PRICKLE1: variants seen among roughly 807,000 people sequenced by gnomAD.
PRICKLE1 encodes the protein prickle planar cell polarity protein 1, also known as prickle-like protein 1.
Under a neutral mutation model 70.2 loss-of-function variants are expected in PRICKLE1, and 14 were observed. The ratio of observed to expected loss-of-function variants is 0.20; its 90% CI spans 0.13 to 0.31. PRICKLE1 has a LOEUF of 0.31. PRICKLE1 is among the 10% of genes least tolerant of loss of function. PRICKLE1 has a pLI of 1.00. For synonymous variants in PRICKLE1, 357 were observed against 379.9 expected (o/e 0.94, Z 0.70); for missense variants, 821 against 1,026.2 (o/e 0.80, Z 2.73).
chr12:42,554,130 A>C (rs907489718), intron 1 of PRICKLE1, among the ~76,000 whole-genome samples: 2 of 152,112 alleles, frequency 1.3e-5, no homozygotes, highest in Admixed American at 6.6e-5. Context: ...AAACAAACCA[A>C]CAACAACAAA....
Position 42,589,694 on chromosome 12 carries a change from G to C in PRICKLE1, c.-278C>G, listed in dbSNP as rs1269714841. 1.3e-5 allele frequency: 2 copies of C among 151,306 alleles called. No individual in the cohort carries two copies. The highest frequency in any genetic ancestry group is 4.8e-5 in the African/African-American group (2 of 41,308). 9.4% of individuals were successfully genotyped at this position (151,306 alleles called of 1,614,324 possible). A position where few individuals can be genotyped will look rare whatever the true frequency, so the allele number is the denominator to read the frequency against. Reference sequence around the variant, plus strand: ...CTGGCATGTTCCGGGCGCGCTGTCGGGCGGCGGCGGCCGCGGGAGACGGCG... The same window carrying C: ...CTGGCATGTTCCGGGCGCGCTGTCGCGCGGCGGCGGCCGCGGGAGACGGCG... On this transcript the variant is annotated 5_prime_UTR_variant, in exon 1 of 8. Coordinates refer to ENST00000345127, the MANE Select transcript of PRICKLE1 (RefSeq NM_153026.3). The surrounding 1 kb of genome is among the most constrained non-coding windows in gnomAD (Gnocchi z 5.0).
At chr12:42,465,781 G>A (rs758063056) in intron 6 of PRICKLE1, 8 of 310,852 alleles carry the variant, frequency 2.6e-5, no homozygotes, top group Admixed American at 4.7e-5. Flanking sequence ...TCTTGAGTAC[G>A]GTACCACTGG....
At chr12:42,542,378 C>T (rs574143065) in intron 1 of PRICKLE1, among the ~76,000 whole-genome samples, 5 of 152,044 alleles carry the variant, frequency 3.3e-5, no homozygotes, top group South Asian at 2.1e-4. Context: ...CGGCCAGGCA[C>T]GGTGACTCAT....
intron 1 of PRICKLE1, among the ~76,000 whole-genome samples, chr12:42,557,067 A>G (rs773967234): frequency 2.7e-4 from 41 of 151,716 alleles, no homozygotes; most frequent in Admixed American, 1.6e-3. Context: ...TGATCCTCCT[A>G]CCGCAGCCTC....
At chr12:42,492,464 G>A (rs184091123) in intron 1 of PRICKLE1, among the ~76,000 whole-genome samples, 72 of 152,342 alleles carry the variant, frequency 4.7e-4, no homozygotes, top group Non-Finnish European at 1.6e-4. Flanking sequence ...TGTTCTTAGA[G>A]AGGTGTCAGT....
chr12:42,544,337 T>C (rs1262491698), intron 1 of PRICKLE1, among the ~76,000 whole-genome samples: 1 of 152,246 alleles, frequency 6.6e-6, no homozygotes, highest in Non-Finnish European at 1.5e-5. Context: ...TGTAATTTTT[T>C]TTGTAGTCTG....
In PRICKLE1 at chr12:42,459,286, GATACA is replaced by G. The variant is rs1937700783; in HGVS notation, c.*518_*522del. The G allele has an allele frequency of 4.3e-6, 3 of 701,098 alleles. No homozygotes were observed. The highest frequency in any genetic ancestry group is 4.0e-5 in the Admixed American group (2 of 49,806). 43.4% of individuals were successfully genotyped at this position (701,098 alleles called of 1,614,324 possible). A position where few individuals can be genotyped will look rare whatever the true frequency, so the allele number is the denominator to read the frequency against. ...TTTTTTTCAATCTGTAGCTGGCGCT[GATACA>G]ATACAATGTTTACCTGGCCAAAGAG... is the stretch of plus-strand genomic sequence containing the variant. On this transcript the variant is annotated 3_prime_UTR_variant, in exon 8 of 8. Transcript: ENST00000345127.
intron 1 of PRICKLE1, among the ~76,000 whole-genome samples, chr12:42,562,891 T>G (rs1940541317): frequency 6.6e-6 from 1 of 152,134 alleles, no homozygotes; most frequent in Admixed American, 6.5e-5. Context: ...ATTTAAAAAT[T>G]TAAATTGTGA....
chr12:42,564,532 C>T (rs148155399), intron 1 of PRICKLE1, among the ~76,000 whole-genome samples: 20 of 152,128 alleles, frequency 1.3e-4, no homozygotes, highest in African/African-American at 4.1e-4. Flanking sequence ...CGCTTGAACC[C>T]GGAAGGCAGA....
At chr12:42,526,299 C>G (rs1939797503) in intron 1 of PRICKLE1, among the ~76,000 whole-genome samples, 1 of 151,508 alleles carries the variant, frequency 6.6e-6, no homozygotes, top group South Asian at 2.1e-4. Context: ...GGGAGAGGGA[C>G]AACTGTATGC....
chr12:42,521,168 C>A (rs1939703206), intron 1 of PRICKLE1, among the ~76,000 whole-genome samples: 1 of 151,580 alleles, frequency 6.6e-6, no homozygotes, highest in African/African-American at 2.4e-5. Flanking sequence ...AGCACAAGAC[C>A]CCGTCTTAAA....
intron 1 of PRICKLE1, among the ~76,000 whole-genome samples, chr12:42,557,524 G>A (rs1940432340): frequency 6.6e-6 from 1 of 152,074 alleles, no homozygotes; most frequent in Non-Finnish European, 1.5e-5. Context: ...GGGGTGGGGG[G>A]AATCAGTAAT....
At chr12:42,463,260 T>C (rs988723381) in intron 7 of PRICKLE1, among the ~76,000 whole-genome samples, 1 of 151,954 alleles carries the variant, frequency 6.6e-6, no homozygotes, top group African/African-American at 2.4e-5. Flanking sequence ...TATCGCGTCA[T>C]TGCACCCCAA....
At chr12:42,581,741 C>G (rs541284351) in intron 1 of PRICKLE1, among the ~76,000 whole-genome samples, 1 of 139,664 alleles carries the variant, frequency 7.2e-6, no homozygotes, top group Non-Finnish European at 1.6e-5. Flanking sequence ...AAGGAGACTC[C>G]ATCTCAAAAA....
intron 1 of PRICKLE1, among the ~76,000 whole-genome samples, chr12:42,495,279 G>A (rs1010471150): frequency 2.6e-5 from 4 of 151,176 alleles, no homozygotes; most frequent in Non-Finnish European, 4.4e-5. Flanking sequence ...CCAGCTACTC[G>A]GGAGGCTGAG....
intron 1 of PRICKLE1, among the ~76,000 whole-genome samples, chr12:42,485,004 G>GGTCACCA (rs1285653315): frequency 1.3e-5 from 2 of 151,702 alleles, no homozygotes; most frequent in East Asian, 3.9e-4. Flanking sequence ...AATTTAAAGT[G>GGTCACCA]GTCACCAGTT....
intron 1 of PRICKLE1, among the ~76,000 whole-genome samples, chr12:42,527,371 G>A (rs1939824104): frequency 6.6e-6 from 1 of 152,092 alleles, no homozygotes; most frequent in Non-Finnish European, 1.5e-5. Context: ...AACCTCAAGT[G>A]ATGTGCCTGC....
At chr12:42,461,882 T>C (rs371658549) in intron 7 of PRICKLE1, among the ~76,000 whole-genome samples, 1 of 152,132 alleles carries the variant, frequency 6.6e-6, no homozygotes, top group South Asian at 2.1e-4. Context: ...CACTGCAAGC[T>C]CCGCCTCCTG....
intron 1 of PRICKLE1, among the ~76,000 whole-genome samples, chr12:42,539,331 G>A (rs566969526): frequency 6.6e-6 from 1 of 151,988 alleles, no homozygotes; most frequent in Non-Finnish European, 1.5e-5. Flanking sequence ...AGCCGGGCGT[G>A]GGGGTGGGCG....
Sources: allele counts gnomAD v4.1 joint callset (sites outside exome capture counted in the v4.1 genomes callset), GRCh38; gene constraint gnomAD v4.1.1; non-coding constraint Gnocchi (gnomAD v3.1); transcripts MANE v1.5; gene names NCBI Gene and HGNC (gene_info 2026-07-23, HGNC 2026-07-21).